Variants in RGS6 observed in about 807,000 individuals in gnomAD.
RGS6 encodes regulator of G-protein signaling 6.
In RGS6, 30 loss-of-function variants were observed where a neutral mutation model predicts 78.5. The ratio of observed to expected loss-of-function variants is 0.38; its 90% confidence interval spans 0.29 to 0.52. RGS6 has a LOEUF of 0.52. RGS6 is among the 20% of genes least tolerant of loss of function. The pLI is 0.85. For missense variants in RGS6, 495 were observed against 609.7 expected (o/e 0.81, Z 1.98); for synonymous variants, 206 against 206.0 (o/e 1.00, Z 0.00).
At chr14:72,492,314 G>A (rs2096589001) in intron 12 of RGS6, among the ~76,000 whole-genome samples, 1 of 152,206 alleles carries the variant, frequency 6.6e-6, no homozygotes, top group Admixed American at 6.5e-5. Context: ...ACAAAAGGGT[G>A]TGATCTACTG....
chr14:72,226,370 A>G (rs2048123076), intron 2 of RGS6, among the ~76,000 whole-genome samples: 1 of 152,264 alleles, frequency 6.6e-6, no homozygotes, highest in Admixed American at 6.5e-5. Context: ...ATGTCATATC[A>G]AAGTATATGA....
At chr14:72,157,731 G>C (rs191684580) in intron 2 of RGS6, among the ~76,000 whole-genome samples, 1 of 152,286 alleles carries the variant, frequency 6.6e-6, no homozygotes, top group East Asian at 1.9e-4. Context: ...TCATGTGTGG[G>C]TGAGGATAAT....
intron 3 of RGS6, among the ~76,000 whole-genome samples, chr14:72,433,501 A>G (rs750974826): frequency 4.2e-4 from 64 of 152,250 alleles, no homozygotes; most frequent in Admixed American, 6.5e-4. Context: ...TAAAATGAAA[A>G]TAAAAATTAA....
intron 3 of RGS6, among the ~76,000 whole-genome samples, chr14:72,412,621 G>T (rs1474936249): frequency 6.6e-6 from 1 of 152,072 alleles, no homozygotes; most frequent in Non-Finnish European, 1.5e-5. Context: ...TTTTGAATGT[G>T]TTTGCTCTTG....
intron 14 of RGS6, among the ~76,000 whole-genome samples, chr14:72,512,368 GT>G (rs1260660289): frequency 2.0e-5 from 3 of 152,170 alleles, no homozygotes; most frequent in Non-Finnish European, 4.4e-5. Context: ...GTTCAGACTA[GT>G]TTCACAAATT....
At chr14:72,390,834 G>A (rs2089779208) in intron 3 of RGS6, among the ~76,000 whole-genome samples, 1 of 152,194 alleles carries the variant, frequency 6.6e-6, no homozygotes, top group Non-Finnish European at 1.5e-5. Flanking sequence ...TGGCTAAATA[G>A]TGGTGAAATC....
the RGS6 span, among the ~76,000 whole-genome samples, chr14:72,609,389 G>A: frequency 6.6e-6 from 1 of 152,302 alleles, no homozygotes; most frequent in South Asian, 2.1e-4. Flanking sequence ...GTCCACATCA[G>A]GTGTGGGCTG....
chr14:72,584,547 G>T, the RGS6 span, among the ~76,000 whole-genome samples: 6 of 152,178 alleles, frequency 3.9e-5, no homozygotes, highest in Admixed American at 2.0e-4. Context: ...ACCATGCAGG[G>T]GTTGGGAGAA....
intron 2 of RGS6, among the ~76,000 whole-genome samples, chr14:72,238,627 G>C (rs550014793): frequency 1.1e-3 from 168 of 152,184 alleles, no homozygotes; most frequent in African/African-American, 3.0e-3. Flanking sequence ...TTGAGGTGAG[G>C]GGAGGGGCAG....
chr14:72,346,677 T>A (rs1037375927), intron 2 of RGS6, among the ~76,000 whole-genome samples: 2 of 152,200 alleles, frequency 1.3e-5, no homozygotes, highest in African/African-American at 4.8e-5. Context: ...CCTATCACTG[T>A]AGGGATGAGA....
At chr14:72,369,915 C>T (rs978041189) in intron 3 of RGS6, among the ~76,000 whole-genome samples, 7 of 152,024 alleles carry the variant, frequency 4.6e-5, no homozygotes, top group African/African-American at 1.4e-4. Context: ...ATATTCACTT[C>T]GAAAAGTGGT....
intron 2 of RGS6, among the ~76,000 whole-genome samples, chr14:72,230,886 G>A (rs1447020449): frequency 2.0e-5 from 3 of 152,146 alleles, no homozygotes; most frequent in Non-Finnish European, 4.4e-5. Context: ...TGTTTGGTGG[G>A]ATAACTGGGT....
chr14:72,439,136 T>C (rs2095075193), intron 3 of RGS6, among the ~76,000 whole-genome samples: 1 of 152,246 alleles, frequency 6.6e-6, no homozygotes, highest in Non-Finnish European at 1.5e-5. Flanking sequence ...ACTCCCATTC[T>C]AGCTTCATTA....
At chr14:72,116,594 C>T (rs1204323301) in intron 2 of RGS6, among the ~76,000 whole-genome samples, 1 of 151,950 alleles carries the variant, frequency 6.6e-6, no homozygotes, top group African/African-American at 2.4e-5. Context: ...AAATCATCCT[C>T]AGTTGAGAAC....
the RGS6 span, among the ~76,000 whole-genome samples, chr14:71,896,602 C>T: frequency 1.1e-4 from 16 of 152,294 alleles, no homozygotes; most frequent in African/African-American, 3.9e-4. Context: ...GAATGCAGCC[C>T]AGTAGGTCTC....
At chr14:71,944,813 G>A (rs1228340116) in intron 1 of RGS6, among the ~76,000 whole-genome samples, 1 of 152,146 alleles carries the variant, frequency 6.6e-6, no homozygotes, top group African/African-American at 2.4e-5. Flanking sequence ...TTGTTGTTGT[G>A]TGAACACCCT....
chr14:72,576,267 G>A, the RGS6 span, among the ~76,000 whole-genome samples: 1 of 152,130 alleles, frequency 6.6e-6, no homozygotes, highest in Non-Finnish European at 1.5e-5. Context: ...GCCATGTAAT[G>A]GGGGGATATA....
chr14:72,489,723 G>A (rs893452900), intron 12 of RGS6, among the ~76,000 whole-genome samples: 1 of 151,196 alleles, frequency 6.6e-6, no homozygotes, highest in Non-Finnish European at 1.5e-5. Context: ...GGAAAGGAAA[G>A]GAGAGGCAAG....
chr14:72,293,386 C>G (rs760308520), intron 2 of RGS6, among the ~76,000 whole-genome samples: 1 of 152,126 alleles, frequency 6.6e-6, no homozygotes, highest in African/African-American at 2.4e-5. Flanking sequence ...ATTCGAGGTG[C>G]AGGATGTTCT....
Sources: gnomAD v4.1 joint callset for allele counts (sites outside exome capture counted in the v4.1 genomes callset) on GRCh38, gnomAD v4.1.1 for gene constraint, MANE v1.5 for transcripts, NCBI Gene and HGNC (gene_info 2026-07-23, HGNC 2026-07-21) for gene names.